The following NCOA1 variants were observed in gnomAD, a reference collection of about 807,000 sequenced individuals.
NCOA1 encodes the protein Hin-2 protein.
A neutral mutation model predicts 150.9 loss-of-function variants in NCOA1; 35 were observed. The observed-to-expected ratio is 0.23, with a 90% CI of 0.18 to 0.31. The LOEUF (loss-of-function observed/expected upper bound fraction) is 0.31. Among genes scored for constraint, NCOA1 ranks in the 10% least tolerant of loss-of-function variants. The pLI is 1.00. For synonymous variants in NCOA1, 590 were observed against 630.0 expected (o/e 0.94, Z 0.95); for missense variants, 1,491 against 1,749.3 (o/e 0.85, Z 2.63).
chr2:24,712,192 C>A (rs1167637956), intron 14 of NCOA1, among the ~76,000 whole-genome samples: 1 of 152,184 alleles, frequency 6.6e-6, no homozygotes, highest in Non-Finnish European at 1.5e-5. Context: ...ACCTTATTCT[C>A]TTTATCTGCA....
intron 1 of NCOA1, among the ~76,000 whole-genome samples, chr2:24,548,643 A>G (rs1343392720): frequency 6.6e-6 from 1 of 152,240 alleles, no homozygotes; most frequent in Non-Finnish European, 1.5e-5. Context: ...GGGTACAGGC[A>G]TTGGGTAAAT....
chr2:24,743,479 AATG>A (rs1265096041), intron 19 of NCOA1, among the ~76,000 whole-genome samples: 1 of 152,256 alleles, frequency 6.6e-6, no homozygotes, highest in Non-Finnish European at 1.5e-5. Context: ...TCCTCAAGAC[AATG>A]AAGTCATCTT....
chr2:24,630,728 C>CT (rs1486290124), intron 3 of NCOA1, among the ~76,000 whole-genome samples: 10 of 152,044 alleles, frequency 6.6e-5, no homozygotes, highest in African/African-American at 2.2e-4. Context: ...GAAATGAGTT[C>CT]TTTTCTGGAG....
intron 19 of NCOA1, among the ~76,000 whole-genome samples, chr2:24,749,926 A>G (rs1481753914): frequency 6.6e-6 from 1 of 152,204 alleles, no homozygotes; most frequent in Non-Finnish European, 1.5e-5. Context: ...TGTTTGTTCA[A>G]GAAGCAAGAG....
chr2:24,657,351 C>T (rs1353043890), intron 4 of NCOA1, among the ~76,000 whole-genome samples: 1 of 152,068 alleles, frequency 6.6e-6, no homozygotes, highest in African/African-American at 2.4e-5. Context: ...ATAACTGTAT[C>T]TGGGAATGAA....
At chr2:24,726,896 G>A (rs1342277250) in intron 15 of NCOA1, among the ~76,000 whole-genome samples, 190 bp downstream of exon 15, 2 of 151,572 alleles carry the variant, frequency 1.3e-5, no homozygotes, top group African/African-American at 4.8e-5. Flanking sequence ...CAGCACTTTG[G>A]GAGGCGGAGG....
At chr2:24,499,656 A>T (rs1663371929) in intron 1 of NCOA1, among the ~76,000 whole-genome samples, 1 of 152,108 alleles carries the variant, frequency 6.6e-6, no homozygotes, top group Non-Finnish European at 1.5e-5. Flanking sequence ...AGTGTATCTG[A>T]CTGTATAAAT....
intron 3 of NCOA1, among the ~76,000 whole-genome samples, chr2:24,594,456 C>G (rs372449976): frequency 1.3e-5 from 2 of 152,134 alleles, no homozygotes; most frequent in South Asian, 4.1e-4. Flanking sequence ...TTTATTGCAT[C>G]AGAACATAAT....
chr2:24,755,248 C>G (rs1261097640), intron 20 of NCOA1, among the ~76,000 whole-genome samples: 1 of 152,214 alleles, frequency 6.6e-6, no homozygotes, highest in African/African-American at 2.4e-5. Flanking sequence ...TAACATGATT[C>G]TTTTTCATTA....
chr2:24,752,007 C>G lies in NCOA1; in HGVS notation c.3732C>G (p.Asn1244Lys), dbSNP rs758155027. 3.7e-6 allele frequency: 6 copies of G among 1,613,298 alleles called. No homozygotes were observed. The African/African-American group carries it at 8.0e-5, about 22-fold the overall frequency. ...GAATGGTTCCCCAAGGTGAGGCCAACTTTGCTCCATCTCTAAGCCCTGGGA... is the reference window on the plus strand; with the variant it reads ...GAATGGTTCCCCAAGGTGAGGCCAAGTTTGCTCCATCTCTAAGCCCTGGGA... ...GAGMVPQGEANFAPSLSPGSS... is the reference protein window; with the variant it reads ...GAGMVPQGEAKFAPSLSPGSS... The change falls in exon 20 of 23, where the codon AAC becomes AAG. Residue 1244 changes from asparagine to lysine, a missense_variant. Transcript: ENST00000348332.
In NCOA1 at chr2:24,752,285, C is replaced by T. The variant is rs561861264; in HGVS notation, c.3881+129C>T. On this transcript the variant is annotated intron_variant, in intron 20 of 22. Transcript: ENST00000348332. ...AAAGAAGGCCGGACACAAAAGGCCA[C>T]ATATGGCTACATTTATATGACGTTT... The T allele has an allele frequency of 3.9e-6, 4 of 1,022,330 alleles. No individual in the cohort carries two copies. In the South Asian group the frequency reaches 7.6e-5, roughly 19 times the overall value. The allele number at this position is 1,022,330 out of a possible 1,614,324, so 63.3% of individuals were successfully genotyped here.
intron 14 of NCOA1, among the ~76,000 whole-genome samples, chr2:24,721,099 C>T (rs1674338205): frequency 6.6e-6 from 1 of 152,154 alleles, no homozygotes; most frequent in Non-Finnish European, 1.5e-5. Context: ...AATCTCTGAG[C>T]TCAACTTTCC....
At chr2:24,730,532 T>C (rs1050694266) in intron 17 of NCOA1, among the ~76,000 whole-genome samples, 12 of 152,134 alleles carry the variant, frequency 7.9e-5, no homozygotes, top group African/African-American at 2.7e-4. Context: ...TTTATATTGA[T>C]TGAGGTTGGA....
At chr2:24,678,060 A>T (rs1368229052) in intron 7 of NCOA1, among the ~76,000 whole-genome samples, 1 of 151,824 alleles carries the variant, frequency 6.6e-6, no homozygotes, top group Non-Finnish European at 1.5e-5. Context: ...AACAGGCCTC[A>T]GTGTGTGTTG....
In NCOA1 at chr2:24,739,415, T is replaced by C. The variant is rs1161068591; in HGVS notation, c.3202-17T>C. 2 of 1,556,008 alleles carry C rather than the reference T, an allele frequency of 1.3e-6. No homozygotes were observed. The highest frequency in any genetic ancestry group is 1.8e-6 in the Non-Finnish European group (2 of 1,127,452). On this transcript the variant is annotated splice_polypyrimidine_tract_variant and intron_variant, in intron 17 of 22. Coordinates refer to ENST00000348332, the MANE Select transcript of NCOA1 (RefSeq NM_003743.5). ...TTGTGTGTAGAAATATATCTTATTGTTTCCATTTTTCTCTAGTTGATACAC... is the reference window on the plus strand; with the variant it reads ...TTGTGTGTAGAAATATATCTTATTGCTTCCATTTTTCTCTAGTTGATACAC...
intron 16 of NCOA1, 80 bp from the exon 17 acceptor site, chr2:24,729,420 TG>T: frequency 7.6e-7 from 1 of 1,309,848 alleles, no homozygotes; most frequent in Non-Finnish European, 1.1e-6. Context: ...GAATATATGA[TG>T]GTGCTTTCTA....
chr2:24,700,657 G>A lies in NCOA1; in HGVS notation c.949+2859G>A, dbSNP rs558986962. 6.6e-5 allele frequency among the ~76,000 whole-genome samples: 10 copies of A among 152,192 alleles called. No individual in the cohort carries two copies. The East Asian group carries it at 1.9e-3, about 29-fold the overall frequency. ...TGAGGAACTTTTTAAACTAGGAGAA[G>A]ATCCATGCAAGTGTGTATAGTTTGG... is the stretch of plus-strand genomic sequence containing the variant. On this transcript the variant is annotated intron_variant, in intron 11 of 22. Coordinates refer to ENST00000348332, the MANE Select transcript of NCOA1 (RefSeq NM_003743.5).
At chr2:24,722,184 C>T (rs1054139760) in intron 14 of NCOA1, among the ~76,000 whole-genome samples, 1 of 152,152 alleles carries the variant, frequency 6.6e-6, no homozygotes, top group Non-Finnish European at 1.5e-5. Flanking sequence ...CTCAATCCAC[C>T]TGGTTTCAAA....
At chr2:24,592,214 A>G (rs1667684609) in intron 3 of NCOA1, among the ~76,000 whole-genome samples, 2 of 152,334 alleles carry the variant, frequency 1.3e-5, no homozygotes, top group Middle Eastern at 3.4e-3. Context: ...TATTAAAACA[A>G]TAGGTACCGT....
Sources: allele counts gnomAD v4.1 joint callset (sites outside exome capture counted in the v4.1 genomes callset), GRCh38; gene constraint gnomAD v4.1.1; transcripts MANE v1.5; gene names NCBI Gene and HGNC (gene_info 2026-07-23, HGNC 2026-07-21).